RAG1: variants seen among roughly 807,000 people sequenced by gnomAD.
RAG1 encodes the protein recombination activating 1.
Under a neutral mutation model 62.7 loss-of-function variants are expected in RAG1, and 35 were observed. The observed-to-expected ratio is 0.56, with a 90% CI of 0.43 to 0.74. The LOEUF (loss-of-function observed/expected upper bound fraction) is 0.74, where lower values mean the gene tolerates loss of function less well. Ranked by LOEUF, RAG1 falls within the 30% of genes least tolerant of loss-of-function variation. RAG1 has a pLI of 0.00. For synonymous variants in RAG1, 461 were observed against 470.3 expected (o/e 0.98, Z 0.26); for missense variants, 1,169 against 1,278.6 (o/e 0.91, Z 1.31).
Position 36,574,511 on chromosome 11 carries a change from A to T in RAG1, c.1207A>T (p.Thr403Ser), listed in dbSNP as rs202189218. 7.1e-5 allele frequency: 114 copies of T among 1,614,092 alleles called. No individual in the cohort carries two copies. The highest frequency in any genetic ancestry group is 9.5e-5 in the Non-Finnish European group (112 of 1,180,056). The change falls in exon 2 of 2, where the codon ACT (threonine) becomes TCT (serine). Residue 403 changes from threonine (T) to serine (S), a missense_variant. Physicochemically the swap from Thr to Ser is moderately conservative, Grantham distance 58. This residue lies in a region of RAG1 where 800 missense variants were observed against 943.3 expected (regional missense o/e 0.85). Coordinates refer to ENST00000299440, the MANE Select transcript of RAG1 (RefSeq NM_000448.3). The stretch of plus-strand genomic sequence containing the variant: ...GCCCCGCCAACATCTTCTGTCGCTG[A>T]CTCGGAGAGCTCAGAAGCACCGGCT... ...GRPRQHLLSL[T>S]RRAQKHRLRE...
Position 36,577,023 on chromosome 11 carries a change from T to C in RAG1, c.*587T>C, listed in dbSNP as rs1358246986. The C allele has an allele frequency of 5.9e-6, 1 of 168,818 alleles. No homozygotes were observed. Among genetic ancestry groups the C allele is most frequent in the Non-Finnish European group, 1.4e-5 (1 of 69,272 alleles). 10.5% of individuals were successfully genotyped at this position (168,818 alleles called of 1,614,324 possible). On this transcript the variant is annotated 3_prime_UTR_variant, in exon 2 of 2. Transcript: ENST00000299440. Reference sequence around the variant, plus strand: ...AAGTGCTCTCAATGCATTTACCCATTCGTTATATAAATATGTTACATCAGG... The same window carrying C: ...AAGTGCTCTCAATGCATTTACCCATCCGTTATATAAATATGTTACATCAGG...
Position 36,573,338 on chromosome 11 carries a change from A to T in RAG1, c.34A>T (p.Ser12Cys). Residue 12 changes from serine to cysteine, a missense_variant, in exon 2 of 2, where the codon AGT becomes TGT. Around this residue, in one of 2 missense-constraint regions of RAG1, gnomAD observed 369 missense variants for 335.3 expected, o/e 1.10. Transcript: ENST00000299440. ...AASFPPTLGL[S>C]SAPDEIQHPH... ...CTCTTTCCCACCCACCTTGGGACTC[A>T]GTTCTGCCCCAGATGAAATTCAGCA... is the stretch of plus-strand genomic sequence containing the variant. 6.2e-7 allele frequency: 1 copy of T among 1,614,230 alleles called. No individual in the cohort carries two copies. The highest frequency in any genetic ancestry group is 8.5e-7 in the Non-Finnish European group (1 of 1,180,040).
At chr11:36,530,537 A>G (rs570330074) in intron 2 of RAG1, among the ~76,000 whole-genome samples, 1 of 151,966 alleles carries the variant, frequency 6.6e-6, no homozygotes, top group Non-Finnish European at 1.5e-5. Context: ...ATTTTCATTC[A>G]GTCTAATGTA....
intron 3 of RAG1, among the ~76,000 whole-genome samples, chr11:36,550,698 C>A (rs1564982788): frequency 6.6e-6 from 1 of 152,092 alleles, no homozygotes; most frequent in African/African-American, 2.4e-5. Context: ...TTTCTCAGTG[C>A]CTTTTTCCTT....
chr11:36,519,499 A>G (rs1860045637), intron 1 of RAG1, among the ~76,000 whole-genome samples: 1 of 152,240 alleles, frequency 6.6e-6, no homozygotes, highest in Admixed American at 6.5e-5. Flanking sequence ...AACTGCACTT[A>G]TAGTAAATTA....
At chr11:36,543,019 G>A (rs1227497136) in intron 3 of RAG1, among the ~76,000 whole-genome samples, 9 of 152,238 alleles carry the variant, frequency 5.9e-5, no homozygotes, top group South Asian at 2.1e-4. Flanking sequence ...TCAGTGCCTC[G>A]TTTTCTCTGT....
chr11:36,557,565 C>T (rs140003677), intron 3 of RAG1, among the ~76,000 whole-genome samples: 3,754 of 151,892 alleles, frequency 0.025, 59 homozygotes, highest in Non-Finnish European at 0.033. Flanking sequence ...AGAAATCACC[C>T]GTCTTCTGCG....
At chr11:36,525,599 T>A (rs959214755) in intron 2 of RAG1, among the ~76,000 whole-genome samples, 1 of 152,176 alleles carries the variant, frequency 6.6e-6, no homozygotes, top group African/African-American at 2.4e-5. Flanking sequence ...AGAATGCAAA[T>A]CCTTTACATG....
At chr11:36,560,555 C>G (rs1296850835) in intron 3 of RAG1, among the ~76,000 whole-genome samples, 3 of 152,150 alleles carry the variant, frequency 2.0e-5, no homozygotes, top group South Asian at 2.1e-4. Flanking sequence ...TGGCTCTGCT[C>G]TCAGCATGAT....
At chr11:36,517,180 A>G (rs1860007712) in intron 1 of RAG1, among the ~76,000 whole-genome samples, 1 of 152,232 alleles carries the variant, frequency 6.6e-6, no homozygotes, top group African/African-American at 2.4e-5. Context: ...ACACTAAATC[A>G]CGATTAGTTT....
intron 3 of RAG1, among the ~76,000 whole-genome samples, chr11:36,545,757 A>C (rs1850383957): frequency 6.6e-6 from 1 of 152,236 alleles, no homozygotes; most frequent in African/African-American, 2.4e-5. Context: ...AACTTAAAAA[A>C]ATAAAGTTTA....
In RAG1 at chr11:36,520,551, A is replaced by G. The variant is rs1240186074; in HGVS notation, n.428+322A>G. Among the ~76,000 whole-genome samples the G allele has an allele frequency of 5.9e-5, 9 of 152,256 alleles. No homozygotes were observed. The South Asian group carries it at 1.4e-3, about 24-fold the overall frequency. On this transcript the variant is annotated intron_variant and non_coding_transcript_variant, in intron 2 of 2. Coordinates refer to the RAG1 transcript ENST00000529126. ...CTCGACCTCCCGAAGTGCTGGGATT[A>G]CAGGCATGAGCCATGGCGCCTGGCT...
intron 2 of RAG1, among the ~76,000 whole-genome samples, chr11:36,524,393 C>A (rs773914879): frequency 1.3e-4 from 19 of 150,856 alleles, no homozygotes; most frequent in Non-Finnish European, 1.9e-4. Flanking sequence ...TAGAGTGTCT[C>A]TACCAAGGTA....
At chr11:36,529,295 A>C (rs1860214669) in intron 2 of RAG1, among the ~76,000 whole-genome samples, 2 of 152,212 alleles carry the variant, frequency 1.3e-5, no homozygotes, top group African/African-American at 4.8e-5. Flanking sequence ...TTTATCCACC[A>C]TGATCAAGTC....
chr11:36,561,169 G>A (rs1850579329), intron 3 of RAG1, among the ~76,000 whole-genome samples: 1 of 152,318 alleles, frequency 6.6e-6, no homozygotes, highest in South Asian at 2.1e-4. Flanking sequence ...CATTCACTTG[G>A]AGCACAATGT....
intron 2 of RAG1, among the ~76,000 whole-genome samples, chr11:36,524,876 A>G (rs1286434156): frequency 6.6e-6 from 1 of 152,116 alleles, no homozygotes; most frequent in Non-Finnish European, 1.5e-5. Context: ...CATATATTCT[A>G]TTTGGCAAAA....
At chr11:36,550,258 T>TATA (rs1179532415) in intron 3 of RAG1, among the ~76,000 whole-genome samples, 3 of 151,872 alleles carry the variant, frequency 2.0e-5, no homozygotes, top group South Asian at 2.1e-4. Context: ...AACTTAAAAG[T>TATA]ATAATAATAA....
At chr11:36,563,543 T>A (rs1285932151), upstream of RAG1, 4 of 152,190 alleles carry the variant, frequency 2.6e-5, no homozygotes, top group Non-Finnish European at 4.4e-5. Context: ...CATAGCAGAT[T>A]TTTTTACAAA....
intron 3 of RAG1, among the ~76,000 whole-genome samples, chr11:36,543,058 A>G (rs962353): frequency 0.98 from 148,979 of 152,282 alleles, 72,943 homozygotes; most frequent in Non-Finnish European, 1. Flanking sequence ...GTCACTACTG[A>G]ATCTTCTTCC....
Sources: gnomAD v4.1 joint callset for allele counts (sites outside exome capture counted in the v4.1 genomes callset) on GRCh38, gnomAD v4.1.1 for gene constraint, gnomAD v4.1.1 regional missense constraint, MANE v1.5 for transcripts, NCBI Gene and HGNC (gene_info 2026-07-23, HGNC 2026-07-21) for gene names.